TLK1: variants seen among roughly 807,000 people sequenced by gnomAD.
TLK1 encodes the protein serine/threonine-protein kinase tousled-like 1.
In TLK1, 24 loss-of-function variants were observed where a neutral mutation model predicts 105.3. That is an observed-to-expected ratio of 0.23 (90% CI 0.17 to 0.32). The LOEUF (loss-of-function observed/expected upper bound fraction) is 0.32, where lower values mean the gene tolerates loss of function less well. TLK1 is among the 10% of genes least tolerant of loss of function. The pLI is 1.00. For synonymous variants in TLK1, 321 were observed against 310.4 expected, an observed-to-expected ratio of 1.03 and a Z score of -0.36; for missense variants, 558 against 910.5, an observed-to-expected ratio of 0.61 and a Z score of 4.98.
intron 11 of TLK1, among the ~76,000 whole-genome samples, chr2:171,041,990 C>A (rs1686698945): frequency 1.3e-5 from 2 of 152,166 alleles, no homozygotes; most frequent in Non-Finnish European, 2.9e-5. Context: ...GCTTCTGTGG[C>A]CTTTTGCCCT....
At chr2:171,057,947 TGA>T (rs1243305735) in intron 5 of TLK1, among the ~76,000 whole-genome samples, 1 of 152,054 alleles carries the variant, frequency 6.6e-6, no homozygotes, top group East Asian at 1.9e-4. Flanking sequence ...AACAACTATG[TGA>T]GAAAGTATTT....
chr2:171,114,045 C>A (rs568634305), intron 2 of TLK1, among the ~76,000 whole-genome samples: 1 of 152,120 alleles, frequency 6.6e-6, no homozygotes, highest in African/African-American at 2.4e-5. Context: ...TACCAGATGT[C>A]AAATGGGCCC....
At chr2:171,225,338 C>T (rs539447596) in intron 1 of TLK1, among the ~76,000 whole-genome samples, 1 of 152,148 alleles carries the variant, frequency 6.6e-6, no homozygotes, top group Non-Finnish European at 1.5e-5. Flanking sequence ...ACAAACATTT[C>T]CCCAAAGAAG....
intron 1 of TLK1, among the ~76,000 whole-genome samples, chr2:171,150,198 G>A (rs892909532): frequency 5.3e-5 from 8 of 151,976 alleles, no homozygotes; most frequent in Non-Finnish European, 1.0e-4. Flanking sequence ...CTAAGTACAC[G>A]TATCCTTCAA....
At chr2:171,145,315 G>C (rs555552872) in intron 1 of TLK1, among the ~76,000 whole-genome samples, 223 of 151,462 alleles carry the variant, frequency 1.5e-3, no homozygotes, top group African/African-American at 4.8e-3. Flanking sequence ...AAAAAGGCCG[G>C]GCACAGTGGT....
chr2:170,996,127 C>T (rs1338869078), intron 20 of TLK1, among the ~76,000 whole-genome samples: 5 of 151,538 alleles, frequency 3.3e-5, no homozygotes, highest in African/African-American at 1.2e-4. Flanking sequence ...GACTCCCAAG[C>T]AACTGAGACT....
chr2:171,066,505 A>G (rs543430193), intron 3 of TLK1, among the ~76,000 whole-genome samples: 3 of 152,326 alleles, frequency 2.0e-5, no homozygotes, highest in East Asian at 1.9e-4. Context: ...CTATTTACAC[A>G]TGCACAGCAT....
At chr2:171,139,772 G>C (rs947948083) in intron 1 of TLK1, among the ~76,000 whole-genome samples, 2 of 150,152 alleles carry the variant, frequency 1.3e-5, no homozygotes, top group Admixed American at 1.3e-4. Flanking sequence ...TTTGGCACCA[G>C]TGGCCAGTTT....
chr2:171,067,042 C>T, intron 3 of TLK1: 1 of 1,432,400 alleles, frequency 7.0e-7, no homozygotes, highest in South Asian at 1.5e-5. Context: ...GTAACATACT[C>T]CTGTATCATA....
At position 171,006,463 on chromosome 2, in the gene TLK1, T is replaced by C. The variant is rs377252997; in HGVS notation, c.1768+11A>G. The C allele has an allele frequency of 6.4e-7, 1 of 1,557,966 alleles. No individual in the cohort carries two copies. Among genetic ancestry groups the C allele is most frequent in the African/African-American group, 1.4e-5 (1 of 72,450 alleles). ...CAAGTTTAAAAAAAATTAGACAAAT[T>C]TCATAATTACCTGGCTTAAGATCAT... is the stretch of plus-strand genomic sequence containing the variant. On this transcript the variant is annotated intron_variant, in intron 17 of 20. Transcript: ENST00000431350.
chr2:171,176,590 G>A (rs1019723613), intron 1 of TLK1, among the ~76,000 whole-genome samples: 2 of 152,084 alleles, frequency 1.3e-5, no homozygotes, highest in African/African-American at 2.4e-5. Flanking sequence ...GATCTGCTAC[G>A]CATTAAAAGC....
At position 171,129,637 on chromosome 2, in the gene TLK1, G is replaced by A. The variant is rs192025739; in HGVS notation, c.140-11780C>T. Among the ~76,000 whole-genome samples, 5 of 152,080 alleles carry A rather than the reference G, an allele frequency of 3.3e-5. No individual in the cohort carries two copies. The East Asian group carries it at 9.7e-4, about 29-fold the overall frequency. ...GCAGGTCCTTTGTGCCCAGGAGTTC[G>A]AGACCAGCCTGGGCAACCTGAAGAG... On this transcript the variant is annotated intron_variant, in intron 1 of 20. Transcript: ENST00000431350.
rs1240737709 is a variant in TLK1, at chr2:171,160,208, CG to C, written c.139+81del. ...AGGGTCTGGCGGAGAAGCCCCGGGG[CG>C]GGGGGGGCGGGGGGGGGGCGCGGGG... On this transcript the variant is annotated intron_variant, in intron 1 of 20. Transcript: ENST00000431350. This position sits in a 1 kb window ranked among gnomAD's most constrained non-coding sequence, Gnocchi z 4.4. The C allele has an allele frequency of 4.6e-5, 52 of 1,123,774 alleles. No individual in the cohort carries two copies. The highest frequency in any genetic ancestry group is 1.6e-4 in the South Asian group (5 of 31,780). The allele number at this position is 1,123,774 out of a possible 1,614,324, so 69.6% of individuals were successfully genotyped here. A position where few individuals can be genotyped will look rare whatever the true frequency, so the allele number is the denominator to read the frequency against.
In TLK1 at chr2:170,993,694, A is replaced by T; in HGVS notation, c.*86T>A. 4 of 1,093,212 alleles carry T rather than the reference A, an allele frequency of 3.7e-6. No homozygotes were observed. The highest frequency in any genetic ancestry group is 4.9e-6 in the Non-Finnish European group (4 of 812,104). 67.7% of individuals were successfully genotyped at this position (1,093,212 alleles called of 1,614,324 possible). Reference sequence around the variant, plus strand: ...AAAAAAAAAAAAAAAAAAAAAAGAAAAAGAAAACAAACACTCAAATGCTCT... The same window carrying T: ...AAAAAAAAAAAAAAAAAAAAAAGAATAAGAAAACAAACACTCAAATGCTCT... On this transcript the variant is annotated 3_prime_UTR_variant, in exon 21 of 21. Transcript: ENST00000431350.
intron 1 of TLK1, among the ~76,000 whole-genome samples, chr2:171,190,151 T>A (rs1261439055): frequency 6.6e-6 from 1 of 152,162 alleles, no homozygotes; most frequent in Non-Finnish European, 1.5e-5. Context: ...CAACATAAAG[T>A]GAGTGTTGCT....
chr2:171,194,818 GGGAA>G (rs748916745), intron 1 of TLK1, among the ~76,000 whole-genome samples: 38 of 111,654 alleles, frequency 3.4e-4, no homozygotes, highest in African/African-American at 6.4e-4. Flanking sequence ...CTCCGTCTCA[GGGAA>G]AAAAAAAAAA....
chr2:171,015,062 G>T, intron 12 of TLK1, 114 bp from the exon 13 acceptor site: 2 of 757,330 alleles, frequency 2.6e-6, no homozygotes, highest in Non-Finnish European at 4.3e-6. Context: ...ATATTATAAA[G>T]TACCACCGAG....
chr2:171,126,897 T>C (rs16859167), intron 1 of TLK1, among the ~76,000 whole-genome samples: 20,429 of 151,630 alleles, frequency 0.13, 2,356 homozygotes, highest in African/African-American at 0.32. Flanking sequence ...AACGAAATTA[T>C]TTCTCCAAGA....
chr2:171,117,639 C>T (rs554870861), intron 2 of TLK1, 100 bp downstream of exon 2: 2 of 887,014 alleles, frequency 2.3e-6, no homozygotes, highest in East Asian at 4.9e-5. Flanking sequence ...ATAAAAGTTA[C>T]ATTTGCTGTT....
Sources: gnomAD v4.1 joint callset for allele counts (sites outside exome capture counted in the v4.1 genomes callset) on GRCh38, gnomAD v4.1.1 for gene constraint, Gnocchi (gnomAD v3.1) non-coding constraint, MANE v1.5 for transcripts, NCBI Gene and HGNC (gene_info 2026-07-23, HGNC 2026-07-21) for gene names.